Variants in OSBPL1A observed in about 807,000 individuals in gnomAD.
OSBPL1A encodes oxysterol-binding protein-related protein 1.
A neutral mutation model predicts 137.1 loss-of-function variants in OSBPL1A; 80 were observed. The observed-to-expected ratio is 0.58, with a 90% CI of 0.49 to 0.70. OSBPL1A has a LOEUF of 0.70. Among genes scored for constraint, OSBPL1A ranks in the 30% least tolerant of loss-of-function variants. OSBPL1A has a pLI of 0.00. For synonymous variants in OSBPL1A, 365 were observed against 389.7 expected, an observed-to-expected ratio of 0.94 and a Z score of 0.75; for missense variants, 970 against 1,129.4, an observed-to-expected ratio of 0.86 and a Z score of 2.02.
chr18:24,202,022 C>A (rs1238431761), intron 17 of OSBPL1A, among the ~76,000 whole-genome samples: 2 of 152,176 alleles, frequency 1.3e-5, no homozygotes, highest in Non-Finnish European at 1.5e-5. Context: ...CCAGGTTTGC[C>A]TCCTGATTTT....
chr18:24,293,736 T>G (rs2090235577), intron 14 of OSBPL1A, among the ~76,000 whole-genome samples: 1 of 149,854 alleles, frequency 6.7e-6, no homozygotes, highest in African/African-American at 2.5e-5. Flanking sequence ...GGCTGAGGGG[T>G]GGAAGGGGCT....
At position 24,163,109 on chromosome 18, in the gene OSBPL1A, G is replaced by GA. The variant is rs2086058016; in HGVS notation, c.*69dup. The stretch of plus-strand genomic sequence containing the variant: ...TTTAAAAGATAAGTAGAAACCAAGG[G>GA]AAAAAAATTTAAAAACATAGGTTTA... On this transcript the variant is annotated 3_prime_UTR_variant, in exon 28 of 28. Transcript: ENST00000319481. 8.4e-7 allele frequency: 1 copy of GA among 1,190,958 alleles called. No individual in the cohort carries two copies. Among genetic ancestry groups the GA allele is most frequent in the Non-Finnish European group, 1.2e-6 (1 of 843,100 alleles). 73.8% of individuals were successfully genotyped at this position (1,190,958 alleles called of 1,614,324 possible).
chr18:24,183,455 G>A (rs536842250), intron 18 of OSBPL1A, among the ~76,000 whole-genome samples: 19 of 147,654 alleles, frequency 1.3e-4, no homozygotes, highest in African/African-American at 4.3e-4. Context: ...TTTTTGAGGC[G>A]GAGTTTTGCT....
At chr18:24,226,249 T>C (rs1202056245) in intron 16 of OSBPL1A, among the ~76,000 whole-genome samples, 1 of 152,112 alleles carries the variant, frequency 6.6e-6, no homozygotes, top group African/African-American at 2.4e-5. Flanking sequence ...GGAGGTGAGG[T>C]AGGACAATGT....
At chr18:24,288,676 G>A (rs1249407540) in intron 14 of OSBPL1A, among the ~76,000 whole-genome samples, 3 of 151,738 alleles carry the variant, frequency 2.0e-5, no homozygotes, top group African/African-American at 4.8e-5. Context: ...GCTGGGGCAG[G>A]AGAATCACTT....
chr18:24,247,919 G>T (rs964929389), intron 15 of OSBPL1A, among the ~76,000 whole-genome samples: 1 of 152,172 alleles, frequency 6.6e-6, no homozygotes, highest in Non-Finnish European at 1.5e-5. Context: ...TTTCATTATG[G>T]AAGACAACCC....
At chr18:24,237,257 A>G (rs1322628741) in intron 16 of OSBPL1A, among the ~76,000 whole-genome samples, 1 of 152,218 alleles carries the variant, frequency 6.6e-6, no homozygotes, top group Non-Finnish European at 1.5e-5. Flanking sequence ...ATACTTTTAT[A>G]TGGAATTATT....
At chr18:24,303,608 G>A (rs1389854147) in intron 14 of OSBPL1A, 29 bp downstream of exon 14, 2 of 1,560,404 alleles carry the variant, frequency 1.3e-6, no homozygotes, top group African/African-American at 1.4e-5. Flanking sequence ...GTTAAAGAGT[G>A]ATTGTAGGGA....
intron 15 of OSBPL1A, among the ~76,000 whole-genome samples, chr18:24,261,541 A>C (rs915517734): frequency 2.0e-5 from 3 of 152,182 alleles, no homozygotes; most frequent in Non-Finnish European, 4.4e-5. Flanking sequence ...CAGCCTTAAA[A>C]ACATTTTTGG....
At chr18:24,345,163 T>C (rs2091325261) in intron 4 of OSBPL1A, among the ~76,000 whole-genome samples, 1 of 151,558 alleles carries the variant, frequency 6.6e-6, no homozygotes, top group Non-Finnish European at 1.5e-5. Flanking sequence ...AGAACATCTA[T>C]AATGAAGGGT....
chr18:24,217,433 TTTTTAGCAGAGACA>T (rs1267550754), intron 17 of OSBPL1A, among the ~76,000 whole-genome samples: 6 of 152,052 alleles, frequency 3.9e-5, no homozygotes, highest in African/African-American at 1.4e-4. Context: ...AATTTTTGTA[TTTTTAGCAGAGACA>T]GAGTTTCACC....
chr18:24,280,891 G>A lies in OSBPL1A; in HGVS notation c.1232C>T (p.Thr411Ile). 1 of 1,610,244 alleles carries A rather than the reference G, an allele frequency of 6.2e-7. No individual in the cohort carries two copies. The highest frequency in any genetic ancestry group is 8.5e-7 in the Non-Finnish European group (1 of 1,179,010). Residue 411 changes from threonine to isoleucine, a missense_variant, in exon 15 of 28, where the codon ACT (threonine) becomes ATT (isoleucine). Thr to Ile is a moderately conservative substitution (Grantham distance 89). This residue lies in a region of OSBPL1A where 647 missense variants were observed against 672.6 expected (regional missense o/e 0.96). Transcript: ENST00000319481. Reference protein sequence around the residue: ...VEVVSEASRETCVALTDCLNL... With the variant: ...VEVVSEASREICVALTDCLNL... ...AAGGCAATCAGTCAAAGCTACACAAGTTTCTCTAGAAGCTTCTGAGACAAC... is the reference window on the plus strand; with the variant it reads ...AAGGCAATCAGTCAAAGCTACACAAATTTCTCTAGAAGCTTCTGAGACAAC...
In OSBPL1A at chr18:24,271,481, T is replaced by C. The variant is rs2089716243; in HGVS notation, c.1281+9361A>G. 1 of 898,224 alleles carries C rather than the reference T, an allele frequency of 1.1e-6. No individual in the cohort carries two copies. Among genetic ancestry groups the C allele is most frequent in the Admixed American group, 6.2e-5 (1 of 16,174 alleles). The allele number at this position is 898,224 out of a possible 1,614,324, so 55.6% of individuals were successfully genotyped here. Reference sequence around the variant, plus strand: ...ACGCGCCCGCGGCTGCACCCCACTCTGCACACACACGTCCAACTATTCTTG... The same window carrying C: ...ACGCGCCCGCGGCTGCACCCCACTCCGCACACACACGTCCAACTATTCTTG... On this transcript the variant is annotated intron_variant, in intron 15 of 27. Coordinates refer to ENST00000319481, the MANE Select transcript of OSBPL1A (RefSeq NM_080597.4). The surrounding 1 kb of genome is among the most constrained non-coding windows in gnomAD (Gnocchi z 4.0).
chr18:24,193,737 C>T (rs1195686237), intron 18 of OSBPL1A, among the ~76,000 whole-genome samples: 1 of 152,164 alleles, frequency 6.6e-6, no homozygotes, highest in Non-Finnish European at 1.5e-5. Context: ...TTTCCAAAAA[C>T]ACGACTTCCC....
intron 17 of OSBPL1A, among the ~76,000 whole-genome samples, chr18:24,198,593 C>T (rs1322276416): frequency 6.6e-6 from 1 of 152,108 alleles, no homozygotes; most frequent in East Asian, 1.9e-4. Context: ...AGCCTTGCCT[C>T]ACTGAGACCA....
intron 5 of OSBPL1A, among the ~76,000 whole-genome samples, chr18:24,338,724 G>GT (rs376433041): frequency 2.6e-5 from 4 of 151,844 alleles, no homozygotes; most frequent in Non-Finnish European, 5.9e-5. Flanking sequence ...TTTTCTGTTT[G>GT]TTTTTTTGAG....
At chr18:24,220,584 G>A (rs1426083947) in intron 17 of OSBPL1A, among the ~76,000 whole-genome samples, 1 of 152,018 alleles carries the variant, frequency 6.6e-6, no homozygotes, top group Non-Finnish European at 1.5e-5. Context: ...TTTCCTTACT[G>A]CTCACTGCTC....
chr18:24,291,304 G>A (rs764784177), intron 14 of OSBPL1A, among the ~76,000 whole-genome samples: 14 of 151,870 alleles, frequency 9.2e-5, no homozygotes, highest in Admixed American at 5.3e-4. Context: ...GTCACTATGG[G>A]GAAAAATAAC....
At chr18:24,283,790 AT>A (rs2090012342) in intron 14 of OSBPL1A, among the ~76,000 whole-genome samples, 2 of 152,190 alleles carry the variant, frequency 1.3e-5, no homozygotes, top group Admixed American at 1.3e-4. Flanking sequence ...TAATACCATC[AT>A]AAGCTTAATC....
Sources: gnomAD v4.1 joint callset for allele counts (sites outside exome capture counted in the v4.1 genomes callset) on GRCh38, gnomAD v4.1.1 for gene constraint, gnomAD v4.1.1 regional missense constraint, Gnocchi (gnomAD v3.1) non-coding constraint, MANE v1.5 for transcripts, NCBI Gene and HGNC (gene_info 2026-07-23, HGNC 2026-07-21) for gene names.